The following STMN2 variants were observed in gnomAD, a reference collection of about 807,000 sequenced individuals.
STMN2 encodes stathmin-2.
Under a neutral mutation model 24.1 loss-of-function variants are expected in STMN2, and 2 were observed. That is an observed-to-expected ratio of 0.08 (90% confidence interval 0.03 to 0.26). The LOEUF is 0.26. Ranked by LOEUF, STMN2 falls within the 10% of genes least tolerant of loss-of-function variation. The probability of loss-of-function intolerance (pLI) is 1.00; values close to 1 mark genes in which losing one functional copy is unlikely to be tolerated. For missense variants in STMN2, 114 were observed against 213.6 expected (o/e 0.53, Z 2.91); for synonymous variants, 83 against 77.5 (o/e 1.07, Z -0.37).
intron 2 of STMN2, among the ~76,000 whole-genome samples, chr8:79,638,339 T>C (rs1810014258): frequency 6.6e-6 from 1 of 152,226 alleles, no homozygotes; most frequent in African/African-American, 2.4e-5. Context: ...TGTGAAGTTA[T>C]GTGTGAGCTG....
rs1291058941 is a variant in STMN2 at position 79,636,805 on chromosome 8, A to G, written c.23A>G (p.Tyr8Cys). The part of the protein sequence containing the change: MAKTAMA[Y>C]KEKMKELSML... ...AATCTTCAGCTTTTCATTTCAGCCT[A>G]CAAGGAAAAAATGAAGGAGCTGTCC... The change falls in exon 2 of 5, where the codon TAC (tyrosine) becomes TGC (cysteine). Residue 8 changes from tyrosine (Y) to cysteine (C), a missense_variant. Physicochemically the swap from Tyr to Cys is radical, Grantham distance 194 (BLOSUM62 -2). Transcript: ENST00000220876. 1.9e-6 allele frequency: 3 copies of G among 1,613,426 alleles called. No individual in the cohort carries two copies. Among genetic ancestry groups the G allele is most frequent in the Non-Finnish European group, 2.5e-6 (3 of 1,179,640 alleles).
Position 79,640,602 on chromosome 8 carries a change from G to A in STMN2, c.116-776G>A, listed in dbSNP as rs192041623. On this transcript the variant is annotated intron_variant, in intron 2 of 4. Transcript: ENST00000220876. ...GGATATTCTAAACAGCAACAACACAGGAGCAAAGACATTACAATGGGGTGT... is the reference window on the plus strand; with the variant it reads ...GGATATTCTAAACAGCAACAACACAAGAGCAAAGACATTACAATGGGGTGT... 2.5e-3 allele frequency among the ~76,000 whole-genome samples: 377 copies of A among 152,330 alleles called. 3 individuals are homozygous for A. The highest frequency in any genetic ancestry group is 8.5e-3 in the African/African-American group (352 of 41,580).
chr8:79,617,340 A>G (rs1585872015), intron 1 of STMN2, among the ~76,000 whole-genome samples: 2 of 152,336 alleles, frequency 1.3e-5, no homozygotes, highest in East Asian at 3.9e-4. Flanking sequence ...TGGAAATATT[A>G]TGCTGCAAAA....
chr8:79,655,959 T>C (rs1020480885), intron 4 of STMN2, among the ~76,000 whole-genome samples: 1 of 152,154 alleles, frequency 6.6e-6, no homozygotes, highest in Non-Finnish European at 1.5e-5. Flanking sequence ...AACAGGAGTG[T>C]GCCTGTCATC....
intron 1 of STMN2, among the ~76,000 whole-genome samples, chr8:79,629,054 T>C (rs1476991042): frequency 1.3e-5 from 2 of 152,184 alleles, no homozygotes; most frequent in East Asian, 3.9e-4. Context: ...CAATGTCATA[T>C]CTAGGTTAAC....
At chr8:79,628,355 G>A (rs897763258) in intron 1 of STMN2, among the ~76,000 whole-genome samples, 1 of 151,806 alleles carries the variant, frequency 6.6e-6, no homozygotes, top group Admixed American at 6.6e-5. Flanking sequence ...GTAGAGACGG[G>A]GTTTCACCAT....
At chr8:79,639,227 G>A (rs889222715) in intron 2 of STMN2, among the ~76,000 whole-genome samples, 1 of 152,216 alleles carries the variant, frequency 6.6e-6, no homozygotes, top group African/African-American at 2.4e-5. Flanking sequence ...AGAGCACTTA[G>A]AGGTTAGGAA....
chr8:79,612,755 T>C (rs559680303), intron 1 of STMN2, among the ~76,000 whole-genome samples: 13 of 152,162 alleles, frequency 8.5e-5, no homozygotes, highest in Non-Finnish European at 1.9e-4. Context: ...CCGAAAGGAC[T>C]CCATCTGCGC....
intron 1 of STMN2, among the ~76,000 whole-genome samples, chr8:79,619,704 C>T (rs1294029541): frequency 6.6e-6 from 1 of 152,066 alleles, no homozygotes; most frequent in African/African-American, 2.4e-5. Flanking sequence ...TTATTTCCAA[C>T]AAAAATATCT....
At chr8:79,636,297 C>T (rs143404247) in intron 1 of STMN2, among the ~76,000 whole-genome samples, 6 of 152,202 alleles carry the variant, frequency 3.9e-5, no homozygotes, top group African/African-American at 1.4e-4. Context: ...CAACATAGGA[C>T]CCTGGATAAT....
At chr8:79,621,050 AGAGTCT>A in intron 1 of STMN2, 3 of 984,600 alleles carry the variant, frequency 3.0e-6, no homozygotes, top group Non-Finnish European at 3.6e-6. Context: ...TCAAGAGGTC[AGAGTCT>A]AAGTCCCCAT....
chr8:79,655,028 A>C lies in STMN2; in HGVS notation c.446A>C (p.Asn149Thr). The C allele has an allele frequency of 6.2e-7, 1 of 1,614,006 alleles. No homozygotes were observed. The highest frequency in any genetic ancestry group is 8.5e-7 in the Non-Finnish European group (1 of 1,179,912). ...MEQIKENREA[N>T]LAAIIERLQE... ...CAAATTAAGGAAAACCGTGAGGCTA[A>C]TCTAGCTGCTATTATTGAACGTCTG... Residue 149 changes from asparagine (N) to threonine (T), a missense_variant, in exon 4 of 5, where the codon AAT (asparagine) becomes ACT (threonine). By Grantham distance (65) the Asn-to-Thr change is moderately conservative (BLOSUM62 0). Coordinates refer to ENST00000220876, the MANE Select transcript of STMN2 (RefSeq NM_007029.4).
intron 2 of STMN2, among the ~76,000 whole-genome samples, chr8:79,640,457 T>A (rs1280989700): frequency 6.6e-6 from 1 of 151,946 alleles, no homozygotes; most frequent in East Asian, 1.9e-4. Context: ...CCAACTTTTT[T>A]AAGGCTGAAC....
At chr8:79,618,307 G>A (rs1030596575) in intron 1 of STMN2, among the ~76,000 whole-genome samples, 1 of 152,296 alleles carries the variant, frequency 6.6e-6, no homozygotes, top group East Asian at 1.9e-4. Flanking sequence ...TAACGTATGA[G>A]ACACATGGCG....
chr8:79,652,665 T>A (rs183579027), intron 3 of STMN2, among the ~76,000 whole-genome samples: 23 of 152,258 alleles, frequency 1.5e-4, no homozygotes, highest in Admixed American at 9.8e-4. Flanking sequence ...TGATTACCAC[T>A]CATTCAGTAC....
At chr8:79,624,752 A>G (rs924754138) in intron 1 of STMN2, among the ~76,000 whole-genome samples, 6 of 152,196 alleles carry the variant, frequency 3.9e-5, no homozygotes, top group Non-Finnish European at 7.3e-5. Context: ...CTGCTCAGAA[A>G]GATCATACTC....
At position 79,665,600 on chromosome 8, in the gene STMN2, CA is replaced by C. The variant is rs1258906153; in HGVS notation, c.*729del. 6.5e-6 allele frequency: 1 copy of C among 154,302 alleles called. No individual in the cohort carries two copies. Among genetic ancestry groups the C allele is most frequent in the African/African-American group, 2.4e-5 (1 of 41,490 alleles). The allele number at this position is 154,302 out of a possible 1,614,324, so 9.6% of individuals were successfully genotyped here. On this transcript the variant is annotated 3_prime_UTR_variant, in exon 5 of 5. Coordinates refer to ENST00000220876, the MANE Select transcript of STMN2 (RefSeq NM_007029.4). ...CCTTTTAAAGTGCTGAACACAAATC[CA>C]AATTCGAATGGTTCAAGCAGCCGTG... is the stretch of plus-strand genomic sequence containing the variant.
At chr8:79,645,407 A>G (rs1810196862) in intron 3 of STMN2, among the ~76,000 whole-genome samples, 1 of 152,220 alleles carries the variant, frequency 6.6e-6, no homozygotes, top group African/African-American at 2.4e-5. Flanking sequence ...ATTTCAATTC[A>G]TGTTAGACAT....
chr8:79,619,101 G>A (rs562766211), intron 1 of STMN2, among the ~76,000 whole-genome samples: 5 of 151,696 alleles, frequency 3.3e-5, no homozygotes, highest in South Asian at 2.1e-4. Context: ...GTAAAGCAAC[G>A]CCTGCAAGAG....
Sources: allele counts gnomAD v4.1 joint callset (sites outside exome capture counted in the v4.1 genomes callset), GRCh38; gene constraint gnomAD v4.1.1; transcripts MANE v1.5; gene names NCBI Gene and HGNC (gene_info 2026-07-23, HGNC 2026-07-21).